STIM2: variants seen among roughly 807,000 people sequenced by gnomAD.
The protein encoded by STIM2 is stromal interaction molecule 2.
STIM2 carries 31 observed loss-of-function variants against 85.8 expected under a neutral mutation model. The ratio of observed to expected loss-of-function variants is 0.36; its 90% CI spans 0.27 to 0.49. The LOEUF is 0.49. STIM2 is among the 20% of genes least tolerant of loss of function. The pLI, the probability that STIM2 is intolerant of heterozygous loss-of-function variation, is 0.98. For synonymous variants in STIM2, 356 were observed against 331.1 expected (o/e 1.08, Z -0.82); for missense variants, 841 against 927.6 (o/e 0.91, Z 1.21).
chr4:26,872,586 C>T (rs918938520), intron 1 of STIM2, among the ~76,000 whole-genome samples: 3 of 151,970 alleles, frequency 2.0e-5, no homozygotes, highest in Non-Finnish European at 2.9e-5. Flanking sequence ...ATAATAGGCT[C>T]ATAGAGTGAT....
intron 3 of STIM2, among the ~76,000 whole-genome samples, chr4:26,969,529 C>G (rs568584286): frequency 3.9e-5 from 6 of 152,252 alleles, no homozygotes; most frequent in African/African-American, 1.2e-4. Context: ...CCCACTGATC[C>G]CGAGCCTGTG....
At chr4:26,975,351 C>T (rs1727143063) in intron 3 of STIM2, among the ~76,000 whole-genome samples, 5 of 152,206 alleles carry the variant, frequency 3.3e-5, no homozygotes, top group African/African-American at 1.2e-4. Flanking sequence ...AGCTTTTCTG[C>T]TCTGGTTTTT....
intron 3 of STIM2, among the ~76,000 whole-genome samples, chr4:26,958,991 G>A (rs1350648929): frequency 6.6e-6 from 1 of 152,164 alleles, no homozygotes; most frequent in Non-Finnish European, 1.5e-5. Flanking sequence ...CTTAGGTCTT[G>A]TACTACCTTT....
chr4:26,942,350 G>A (rs556459396), intron 2 of STIM2, among the ~76,000 whole-genome samples: 1 of 152,126 alleles, frequency 6.6e-6, no homozygotes, highest in South Asian at 2.1e-4. Context: ...ACTGTAATTT[G>A]CTCATGTGTT....
chr4:26,862,806 A>T (rs1722267554), intron 1 of STIM2, among the ~76,000 whole-genome samples: 1 of 152,208 alleles, frequency 6.6e-6, no homozygotes, highest in Admixed American at 6.5e-5. Context: ...TTATTCTCCA[A>T]ATAAAAATGT....
At chr4:27,017,372 T>TA (rs1728763826) in intron 10 of STIM2, among the ~76,000 whole-genome samples, 1 of 152,248 alleles carries the variant, frequency 6.6e-6, no homozygotes, top group Non-Finnish European at 1.5e-5. Flanking sequence ...TTAACAGTCA[T>TA]AAAAAATTTG....
intron 2 of STIM2, among the ~76,000 whole-genome samples, chr4:26,929,944 T>A (rs1335724145): frequency 6.6e-6 from 1 of 152,140 alleles, no homozygotes; most frequent in African/African-American, 2.4e-5. Context: ...TTAAAGTGTA[T>A]CATGTGTACA....
chr4:26,950,656 T>G (rs942749333), intron 2 of STIM2, among the ~76,000 whole-genome samples: 1 of 152,166 alleles, frequency 6.6e-6, no homozygotes, highest in Non-Finnish European at 1.5e-5. Context: ...CCTCCAGAAC[T>G]GTGAGAAAAA....
At chr4:26,956,305 C>T (rs924924593) in intron 2 of STIM2, among the ~76,000 whole-genome samples, 3 of 151,934 alleles carry the variant, frequency 2.0e-5, no homozygotes, top group African/African-American at 7.3e-5. Flanking sequence ...GAGATAAGGC[C>T]TAAAAGATTC....
Position 27,017,375 on chromosome 4 carries a change from A to G in STIM2, c.1490-336A>G, listed in dbSNP as rs571712185. Among the ~76,000 whole-genome samples, 4 of 152,354 alleles carry G rather than the reference A, an allele frequency of 2.6e-5. No individual in the cohort carries two copies. In the South Asian group the frequency reaches 8.3e-4, roughly 32 times the overall value. On this transcript the variant is annotated intron_variant, in intron 10 of 11. Transcript: ENST00000467087. ...CCTTTCTTTATGTTAACAGTCATAA[A>G]AAATTTGTGATACAATACAGGTTTT...
intron 2 of STIM2, among the ~76,000 whole-genome samples, chr4:26,950,043 A>G (rs942181557): frequency 2.6e-5 from 4 of 152,208 alleles, no homozygotes; most frequent in African/African-American, 7.2e-5. Context: ...AGTGTAACAC[A>G]CGGTATTCTC....
intron 3 of STIM2, among the ~76,000 whole-genome samples, chr4:26,965,059 G>T (rs988253836): frequency 5.3e-5 from 8 of 152,282 alleles, no homozygotes; most frequent in South Asian, 4.1e-4. Flanking sequence ...AGTAAATCAG[G>T]TTTTAACACT....
At position 26,885,821 on chromosome 4, in the gene STIM2, TTATATATATATATATATA is replaced by T. The variant is rs56851120; in HGVS notation, c.151+24488_151+24505del. Among the ~76,000 whole-genome samples, 138 of 84,632 alleles carry T rather than the reference TTATATATATATATATATA, an allele frequency of 1.6e-3. 1 individual carries two copies. Among genetic ancestry groups the T allele is most frequent in the African/African-American group, 3.0e-3 (84 of 27,826 alleles). 55.5% of individuals were successfully genotyped at this position (84,632 alleles called of 152,430 possible). A position where few individuals can be genotyped will look rare whatever the true frequency, so the allele number is the denominator to read the frequency against. ...ATGAAGCCAAATTTAGCACCTCAGG[TTATATATATATATATATA>T]TATATATATATATATATATATATAT... On this transcript the variant is annotated intron_variant, in intron 1 of 11. Transcript: ENST00000467087.
At chr4:26,996,905 T>C (rs1390113257) in intron 4 of STIM2, among the ~76,000 whole-genome samples, 1 of 152,190 alleles carries the variant, frequency 6.6e-6, no homozygotes, top group Non-Finnish European at 1.5e-5. Flanking sequence ...GTCAGTGTTA[T>C]AGCTACTCAT....
chr4:27,007,725 A>C (rs1728414703), intron 8 of STIM2, 25 bp downstream of exon 8: 2 of 1,525,278 alleles, frequency 1.3e-6, no homozygotes, highest in Non-Finnish European at 1.8e-6. Flanking sequence ...TTCAAAATTT[A>C]CTAAATTTGT....
intron 1 of STIM2, among the ~76,000 whole-genome samples, chr4:26,898,515 T>C (rs766973609): frequency 1.3e-5 from 2 of 152,210 alleles, no homozygotes; most frequent in African/African-American, 4.8e-5. Context: ...ATCATCACTA[T>C]TGATGATTGT....
intron 5 of STIM2, among the ~76,000 whole-genome samples, chr4:27,000,814 G>GT (rs34023366): frequency 1.5e-3 from 228 of 148,884 alleles, no homozygotes; most frequent in African/African-American, 5.2e-3. Flanking sequence ...ACATTTTAAA[G>GT]TTTTTTTTTT....
At chr4:26,923,390 A>T (rs1183394566) in intron 2 of STIM2, among the ~76,000 whole-genome samples, 1 of 152,140 alleles carries the variant, frequency 6.6e-6, no homozygotes, top group Non-Finnish European at 1.5e-5. Flanking sequence ...GATTTTGACG[A>T]GCTGAGAGAA....
At position 26,998,911 on chromosome 4, in the gene STIM2, C is replaced by CAAAAAA. The variant is rs11374270; in HGVS notation, c.510-315_510-310dup. 9.9e-3 allele frequency among the ~76,000 whole-genome samples: 1,465 copies of CAAAAAA among 147,274 alleles called. 31 individuals carry two copies. The highest frequency in any genetic ancestry group is 0.032 in the African/African-American group (1,291 of 39,754). On this transcript the variant is annotated intron_variant, in intron 4 of 11. Coordinates refer to ENST00000467087, the MANE Select transcript of STIM2 (RefSeq NM_020860.4). Reference sequence around the variant, plus strand: ...TGGGTGACAGAATGAGACTCTGTCTCAAAAAAAAAAATTTTTTTTTCAACT... The same window carrying CAAAAAA: ...TGGGTGACAGAATGAGACTCTGTCTCAAAAAAAAAAAAAAAAATTTTTTTTTCAACT...
Sources: allele counts gnomAD v4.1 joint callset (sites outside exome capture counted in the v4.1 genomes callset), GRCh38; gene constraint gnomAD v4.1.1; transcripts MANE v1.5; gene names NCBI Gene and HGNC (gene_info 2026-07-23, HGNC 2026-07-21).